UBTF: variants seen among roughly 807,000 people sequenced by gnomAD.
UBTF encodes the protein nucleolar transcription factor 1.
In UBTF, 8 loss-of-function variants were observed where a neutral mutation model predicts 112.3. That is an observed-to-expected ratio of 0.07 (90% confidence interval 0.04 to 0.13). UBTF has a LOEUF of 0.13. UBTF is among the 10% of genes least tolerant of loss of function. The pLI, the probability that UBTF is intolerant of heterozygous loss-of-function variation, is 1.00. For missense variants in UBTF, 457 were observed against 982.1 expected (o/e 0.47, Z 7.15); for synonymous variants, 417 against 373.1 (o/e 1.12, Z -1.36).
In UBTF at chr17:44,205,545, C is replaced by G. The variant is rs898521957; in HGVS notation, c.*1697G>C. 6.6e-6 allele frequency: 1 copy of G among 152,216 alleles called. No individual in the cohort carries two copies. Among genetic ancestry groups the G allele is most frequent in the Non-Finnish European group, 1.5e-5 (1 of 68,080 alleles). The allele number at this position is 152,216 out of a possible 1,614,324, so 9.4% of individuals were successfully genotyped here. ...GGAATGGGAGTGGGGAGTGTCCCCCCCAGGCCTCCCCACCCCCAGCACCAA... is the reference window on the plus strand; with the variant it reads ...GGAATGGGAGTGGGGAGTGTCCCCCGCAGGCCTCCCCACCCCCAGCACCAA... On this transcript the variant is annotated 3_prime_UTR_variant, in exon 21 of 21. Coordinates refer to ENST00000436088, the MANE Select transcript of UBTF (RefSeq NM_014233.4).
At chr17:44,210,643 G>C in intron 13 of UBTF, 149 bp downstream of exon 13, 4 of 1,378,184 alleles carry the variant, frequency 2.9e-6, no homozygotes, top group Non-Finnish European at 3.8e-6. Flanking sequence ...ACAGCTTCCC[G>C]CCTTCCGGCT....
At chr17:44,212,303 C>T (rs1257290479) in intron 8 of UBTF, 41 bp downstream of exon 8, 7 of 1,556,050 alleles carry the variant, frequency 4.5e-6, no homozygotes, top group African/African-American at 1.4e-5. Context: ...GGCAGAGGCT[C>T]GTGAAGAGCC....
chr17:44,213,276 A>G lies in UBTF; in HGVS notation c.481T>C (p.Tyr161His). The G allele has an allele frequency of 6.2e-7, 1 of 1,613,058 alleles. No individual in the cohort carries two copies. Among genetic ancestry groups the G allele is most frequent in the Non-Finnish European group, 8.5e-7 (1 of 1,179,504 alleles). Residue 161 changes from tyrosine to histidine, a missense_variant, in exon 6 of 21, where the codon TAT becomes CAT. Tyr to His is a moderately conservative substitution (Grantham distance 83). Coordinates refer to ENST00000436088, the MANE Select transcript of UBTF (RefSeq NM_014233.4). Reference protein sequence around the residue: ...KELPEKKKMKYIQDFQREKQE... With the variant: ...KELPEKKKMKHIQDFQREKQE... The stretch of plus-strand genomic sequence containing the variant: ...TTCTCTCTCTGGAAGTCCTGAATAT[A>G]TTTCATCTGGGGGGAGGAGGGGATG...
At chr17:44,215,535 T>G in intron 5 of UBTF, 119 bp downstream of exon 5, 1 of 1,310,290 alleles carries the variant, frequency 7.6e-7, no homozygotes, top group South Asian at 1.4e-5. Flanking sequence ...TATTCTGCTG[T>G]GCTGACTCAC....
At chr17:44,220,074 G>A (rs1281348588), upstream of UBTF, among the ~76,000 whole-genome samples, 1 of 103,066 alleles carries the variant, frequency 9.7e-6, no homozygotes, top group South Asian at 3.4e-4. Flanking sequence ...TGCTGCTGCC[G>A]CCGCCGGGGA....
chr17:44,209,432 G>C lies in UBTF; in HGVS notation c.1825C>G (p.Gln609Glu). 1 of 1,614,162 alleles carries C rather than the reference G, an allele frequency of 6.2e-7. No individual in the cohort carries two copies. Among genetic ancestry groups the C allele is most frequent in the Non-Finnish European group, 8.5e-7 (1 of 1,180,012 alleles). Residue 609 changes from glutamine to glutamate, a missense_variant, in exon 17 of 21, where the codon CAG (glutamine) becomes GAG (glutamate). Gln to Glu is a conservative substitution (Grantham distance 29). Around this residue, in one of 7 missense-constraint regions of UBTF, gnomAD observed 77 missense variants for 211.9 expected, o/e 0.36. Transcript: ENST00000436088. ...EIGSRWQRISQSQKEHYKKLA... is the reference protein window; with the variant it reads ...EIGSRWQRISESQKEHYKKLA... ...TTTTTGTAGTGCTCCTTCTGGCTCTGGGAGATGCGCTGCCAGCGACTGCCG... is the reference window on the plus strand; with the variant it reads ...TTTTTGTAGTGCTCCTTCTGGCTCTCGGAGATGCGCTGCCAGCGACTGCCG...
chr17:44,209,241 G>T, intron 17 of UBTF, 111 bp downstream of exon 17: 2 of 1,132,480 alleles, frequency 1.8e-6, no homozygotes, highest in East Asian at 2.6e-5. Context: ...GGCATGGAAT[G>T]AAATCATGAA....
At chr17:44,218,410 G>A (rs2046955202) in intron 1 of UBTF, 114 bp from the exon 2 acceptor site, 1 of 623,696 alleles carries the variant, frequency 1.6e-6, no homozygotes, top group Non-Finnish European at 2.8e-6. Flanking sequence ...ACTCAGCCAT[G>A]ACCTTATTAG....
chr17:44,207,034 A>G lies in UBTF; in HGVS notation c.*208T>C, dbSNP rs1250726153. 1 of 611,104 alleles carries G rather than the reference A, an allele frequency of 1.6e-6. No homozygotes were observed. Among genetic ancestry groups the G allele is most frequent in the Non-Finnish European group, 2.8e-6 (1 of 353,100 alleles). The allele number at this position is 611,104 out of a possible 1,614,324, so 37.9% of individuals were successfully genotyped here. On this transcript the variant is annotated 3_prime_UTR_variant, in exon 21 of 21. Transcript: ENST00000436088. ...TTGCTGTCCCTGGAGGAGGACCCCC[A>G]AGGGCTGATGTCTCTGAGGCTGCAG...
chr17:44,207,419 T>TC, intron 20 of UBTF, 35 bp downstream of exon 20: 1 of 1,611,586 alleles, frequency 6.2e-7, no homozygotes, highest in Non-Finnish European at 8.5e-7. Context: ...CTGGCAGGAC[T>TC]CCCCTCCCCT....
Position 44,218,250 on chromosome 17 carries a change from T to A in UBTF, c.-21A>T, listed in dbSNP as rs577524223. 28 of 1,611,410 alleles carry A rather than the reference T, an allele frequency of 1.7e-5. No homozygotes were observed. The Middle Eastern group carries it at 2.8e-3, about 162-fold the overall frequency. ...TTCATCCTCCAGCTGTCCAGCCACC[T>A]CCTCGGTCGTGCTGGCCGGGCAACC... On this transcript the variant is annotated 5_prime_UTR_variant, in exon 2 of 21. Transcript: ENST00000436088.
chr17:44,211,854 A>G lies in UBTF; in HGVS notation c.905+19T>C. ...TTCCCAGCTGCCCACTCGCCCACCCATCCCAGGGCAGCGCTCACGGAGGTG... is the reference window on the plus strand; with the variant it reads ...TTCCCAGCTGCCCACTCGCCCACCCGTCCCAGGGCAGCGCTCACGGAGGTG... On this transcript the variant is annotated intron_variant, in intron 9 of 20. Coordinates refer to ENST00000436088, the MANE Select transcript of UBTF (RefSeq NM_014233.4). This position sits in a 1 kb window ranked among gnomAD's most constrained non-coding sequence, Gnocchi z 4.9. 1.9e-6 allele frequency: 3 copies of G among 1,609,692 alleles called. No homozygotes were observed. The highest frequency in any genetic ancestry group is 2.5e-6 in the Non-Finnish European group (3 of 1,178,152).
rs2056232827 is a variant in UBTF at position 44,206,268 on chromosome 17, A to G, written c.*974T>C. The G allele has an allele frequency of 6.6e-6, 1 of 151,990 alleles. No homozygotes were observed. The highest frequency in any genetic ancestry group is 2.1e-4 in the South Asian group (1 of 4,814). 9.4% of individuals were successfully genotyped at this position (151,990 alleles called of 1,614,324 possible). A position where few individuals can be genotyped will look rare whatever the true frequency, so the allele number is the denominator to read the frequency against. The stretch of plus-strand genomic sequence containing the variant: ...GAATGGCTTCAGCACACTCCCCCTA[A>G]TGGAATCAGAGACTGGGCAAAACAG... On this transcript the variant is annotated 3_prime_UTR_variant, in exon 21 of 21. Transcript: ENST00000436088.
chr17:44,208,049 G>C, intron 17 of UBTF, 138 bp from the exon 18 acceptor site: 3 of 1,046,796 alleles, frequency 2.9e-6, no homozygotes, highest in Middle Eastern at 2.6e-4. Flanking sequence ...CCTAGATTTT[G>C]GGTCTCTGCA....
intron 2 of UBTF, 73 bp downstream of exon 2, chr17:44,218,099 G>C (rs1021966197): frequency 2.4e-5 from 36 of 1,471,886 alleles, no homozygotes; most frequent in Non-Finnish European, 3.4e-5. Context: ...AGCCCTTGAA[G>C]AAGGGAGTGA....
intron 13 of UBTF, 147 bp downstream of exon 13, chr17:44,210,645 C>T (rs776128487): frequency 2.0e-5 from 28 of 1,386,852 alleles, no homozygotes; most frequent in Non-Finnish European, 2.5e-5. Context: ...AGCTTCCCGC[C>T]TTCCGGCTGC....
At position 44,211,562 on chromosome 17, in the gene UBTF, A is replaced by G. The variant is rs960142212; in HGVS notation, c.1047+44T>C. ...CTGGCCCAAGATGGGATCAGACCTC[A>G]TGCTTCAAAACCCCAAGGCAGGGTG... On this transcript the variant is annotated intron_variant, in intron 10 of 20. Coordinates refer to ENST00000436088, the MANE Select transcript of UBTF (RefSeq NM_014233.4). The surrounding 1 kb of genome is among the most constrained non-coding windows in gnomAD (Gnocchi z 4.9). The G allele has an allele frequency of 1.9e-6, 3 of 1,592,012 alleles. No homozygotes were observed. In the African/African-American group the frequency reaches 4.0e-5, roughly 21 times the overall value.
At chr17:44,210,273 C>G in intron 14 of UBTF, 39 bp from the exon 15 acceptor site, 2 of 1,614,272 alleles carry the variant, frequency 1.2e-6, no homozygotes, top group Non-Finnish European at 1.7e-6. Flanking sequence ...GGAGGGGTCA[C>G]CCGGGGCTAG....
chr17:44,211,766 G>C lies in UBTF; in HGVS notation c.906-19C>G. On this transcript the variant is annotated intron_variant, in intron 9 of 20. Transcript: ENST00000436088. The surrounding 1 kb of genome is among the most constrained non-coding windows in gnomAD (Gnocchi z 4.9). Reference sequence around the variant, plus strand: ...GCTGTTCCTATCAGAGCCGCGGGGAGAGAGGTGCAGCCCGTAAGCGAGCAG... The same window carrying C: ...GCTGTTCCTATCAGAGCCGCGGGGACAGAGGTGCAGCCCGTAAGCGAGCAG... 1.9e-6 allele frequency: 3 copies of C among 1,602,774 alleles called. No individual in the cohort carries two copies. The highest frequency in any genetic ancestry group is 2.5e-6 in the Non-Finnish European group (3 of 1,177,124).
Sources: allele counts gnomAD v4.1 joint callset (sites outside exome capture counted in the v4.1 genomes callset), GRCh38; gene constraint gnomAD v4.1.1; regional missense constraint gnomAD v4.1.1; non-coding constraint Gnocchi (gnomAD v3.1); transcripts MANE v1.5; gene names NCBI Gene and HGNC (gene_info 2026-07-23, HGNC 2026-07-21).